The following OXR1 variants were observed in gnomAD, a reference collection of about 807,000 sequenced individuals.
OXR1 encodes the protein oxidation resistance 1.
In OXR1, 41 loss-of-function variants were observed where a neutral mutation model predicts 104.6. The ratio of observed to expected loss-of-function variants is 0.39; its 90% confidence interval spans 0.31 to 0.51. The LOEUF (loss-of-function observed/expected upper bound fraction) is 0.51. OXR1 is among the 20% of genes least tolerant of loss of function. The pLI, the probability that OXR1 is intolerant of heterozygous loss-of-function variation, is 0.77. For synonymous variants in OXR1, 348 were observed against 348.4 expected (o/e 1.00, Z 0.01); for missense variants, 955 against 1,031.9 (o/e 0.93, Z 1.02).
chr8:106,524,775 G>C (rs916824023), intron 3 of OXR1, among the ~76,000 whole-genome samples: 3 of 152,182 alleles, frequency 2.0e-5, no homozygotes, highest in Admixed American at 2.0e-4. Context: ...GGGAGAGAGG[G>C]TGGTGTGTAA....
At chr8:106,314,842 C>A (rs989164711) in intron 1 of OXR1, among the ~76,000 whole-genome samples, 1 of 152,112 alleles carries the variant, frequency 6.6e-6, no homozygotes, top group Non-Finnish European at 1.5e-5. Context: ...GGGATTTTAT[C>A]TGCATTTTAA....
At chr8:106,690,119 AT>A (rs1161790882) in intron 6 of OXR1, among the ~76,000 whole-genome samples, 1 of 150,710 alleles carries the variant, frequency 6.6e-6, no homozygotes, top group Non-Finnish European at 1.5e-5. Context: ...ATAAATCGTA[AT>A]TTTTTCTAAA....
chr8:106,362,276 C>A lies in OXR1; in HGVS notation c.23+2640C>A, dbSNP rs190598110. On this transcript the variant is annotated intron_variant, in intron 2 of 16. Transcript: ENST00000517566. ...ATGACATCGTATTAGTTGACCATAT[C>A]CACGTGTTGATTTTAAAATGTAACT... 1.5e-3 allele frequency among the ~76,000 whole-genome samples: 225 copies of A among 152,212 alleles called. 4 individuals are homozygous for A. Among genetic ancestry groups the A allele is most frequent in the Admixed American group, 0.014 (215 of 15,282 alleles).
intron 1 of OXR1, among the ~76,000 whole-genome samples, chr8:106,283,591 G>C (rs1054442423): frequency 6.6e-6 from 1 of 152,152 alleles, no homozygotes; most frequent in African/African-American, 2.4e-5. Flanking sequence ...CATATCATTT[G>C]AGTGACTTAA....
intron 3 of OXR1, chr8:106,657,884 C>CCCAG (rs1825286912): frequency 8.0e-7 from 1 of 1,243,494 alleles, no homozygotes; most frequent in South Asian, 4.2e-5. Context: ...AGCCGCCTCC[C>CCCAG]CTGGGTCAGG....
At chr8:106,537,196 A>G (rs1563589260) in intron 3 of OXR1, among the ~76,000 whole-genome samples, 1 of 152,062 alleles carries the variant, frequency 6.6e-6, no homozygotes. Context: ...ACTTAATATC[A>G]TCACATTGGG....
chr8:106,419,394 T>A (rs537733482), intron 2 of OXR1, among the ~76,000 whole-genome samples: 2 of 152,178 alleles, frequency 1.3e-5, no homozygotes, highest in African/African-American at 4.8e-5. Flanking sequence ...ACATGATGAG[T>A]CTGTCAGCAG....
chr8:106,396,412 A>G (rs1343323143), intron 2 of OXR1, among the ~76,000 whole-genome samples: 1 of 152,094 alleles, frequency 6.6e-6, no homozygotes, highest in Non-Finnish European at 1.5e-5. Context: ...CATGTTTGTG[A>G]CAGTGTTCCC....
intron 1 of OXR1, among the ~76,000 whole-genome samples, chr8:106,331,051 G>A (rs1428732188): frequency 6.6e-6 from 1 of 152,146 alleles, no homozygotes; most frequent in Admixed American, 6.5e-5. Context: ...ATTTGCAATT[G>A]CAGTGATTTA....
chr8:106,694,937 A>ATAAAATATTTATATATATTTACATG, intron 7 of OXR1, among the ~76,000 whole-genome samples: 1 of 140,188 alleles, frequency 7.1e-6, no homozygotes, highest in South Asian at 2.1e-4. Flanking sequence ...TTATATATAT[A>ATAAAATATTTATATATATTTACATG]TAAATATAAA....
At chr8:106,402,452 A>T (rs1163553131) in intron 2 of OXR1, among the ~76,000 whole-genome samples, 1 of 152,152 alleles carries the variant, frequency 6.6e-6, no homozygotes, top group East Asian at 1.9e-4. Flanking sequence ...TATTTCAGTT[A>T]TGTATTCTGG....
intron 3 of OXR1, among the ~76,000 whole-genome samples, chr8:106,645,470 T>G (rs987670058): frequency 6.6e-6 from 1 of 152,200 alleles, no homozygotes; most frequent in Non-Finnish European, 1.5e-5. Context: ...TAGGGCAGCA[T>G]AGATTTGAGT....
chr8:106,682,270 T>TC (rs1828236038), intron 4 of OXR1, among the ~76,000 whole-genome samples: 1 of 145,608 alleles, frequency 6.9e-6, no homozygotes. Flanking sequence ...TCTCTCTTTT[T>TC]TTTTTTTTTT....
chr8:106,274,723 T>C (rs960401486), intron 1 of OXR1, among the ~76,000 whole-genome samples: 2 of 152,122 alleles, frequency 1.3e-5, no homozygotes, highest in Non-Finnish European at 2.9e-5. Context: ...CCTTTGTTTT[T>C]CACAAAGGCA....
chr8:106,691,992 C>T (rs1297307952), intron 6 of OXR1, among the ~76,000 whole-genome samples: 2 of 149,966 alleles, frequency 1.3e-5, no homozygotes, highest in African/African-American at 4.9e-5. Flanking sequence ...TATATACACA[C>T]ACACACACAC....
At chr8:106,562,391 T>A (rs1046608879) in intron 3 of OXR1, among the ~76,000 whole-genome samples, 4 of 151,830 alleles carry the variant, frequency 2.6e-5, no homozygotes, top group Non-Finnish European at 4.4e-5. Context: ...ATCAACTTAA[T>A]GAAATAAAGT....
chr8:106,658,427 C>A (rs964631532), intron 3 of OXR1, among the ~76,000 whole-genome samples: 1 of 152,194 alleles, frequency 6.6e-6, no homozygotes, highest in African/African-American at 2.4e-5. Flanking sequence ...TCCTGCTTTC[C>A]TCACCTAGAC....
At chr8:106,499,441 T>A (rs1811633105) in intron 2 of OXR1, among the ~76,000 whole-genome samples, 1 of 152,236 alleles carries the variant, frequency 6.6e-6, no homozygotes, top group Non-Finnish European at 1.5e-5. Flanking sequence ...AACCTTTGTA[T>A]AGCTTGGTTT....
chr8:106,464,025 C>T (rs143962767), intron 2 of OXR1, among the ~76,000 whole-genome samples: 18 of 152,112 alleles, frequency 1.2e-4, no homozygotes, highest in African/African-American at 4.1e-4. Context: ...CTATTTATCT[C>T]TACAGTTAAG....
Sources: gnomAD v4.1 joint callset for allele counts (sites outside exome capture counted in the v4.1 genomes callset) on GRCh38, gnomAD v4.1.1 for gene constraint, MANE v1.5 for transcripts, NCBI Gene and HGNC (gene_info 2026-07-23, HGNC 2026-07-21) for gene names.